DIP2B: variants seen among roughly 807,000 people sequenced by gnomAD.
DIP2B encodes the protein DIP2 acetate--CoA ligase B (putative).
A neutral mutation model predicts 198.0 loss-of-function variants in DIP2B; 76 were observed. The ratio of observed to expected loss-of-function variants is 0.38; its 90% CI spans 0.32 to 0.46. The LOEUF is 0.46. Ranked by LOEUF, DIP2B falls within the 20% of genes least tolerant of loss-of-function variation. DIP2B has a pLI of 0.99. For missense variants in DIP2B, 1,559 were observed against 1,978.4 expected (o/e 0.79, Z 4.02); for synonymous variants, 701 against 739.1 (o/e 0.95, Z 0.84).
At chr12:50,704,602 A>G (rs1191752988) in intron 20 of DIP2B, among the ~76,000 whole-genome samples, 2 of 152,234 alleles carry the variant, frequency 1.3e-5, no homozygotes, top group African/African-American at 2.4e-5. Context: ...AAACTATAAT[A>G]CATAGTATAC....
chr12:50,736,212 G>C (rs1940136387), intron 34 of DIP2B, among the ~76,000 whole-genome samples: 2 of 152,198 alleles, frequency 1.3e-5, no homozygotes, highest in South Asian at 4.1e-4. Flanking sequence ...AGCAGAGGGG[G>C]ATTTGGCTGA....
chr12:50,513,919 T>A (rs1958040592), intron 1 of DIP2B, among the ~76,000 whole-genome samples: 1 of 152,062 alleles, frequency 6.6e-6, no homozygotes, highest in Non-Finnish European at 1.5e-5. Context: ...CCCTAGAGTT[T>A]ATTTACCACC....
At chr12:50,514,999 G>A (rs931864956) in intron 1 of DIP2B, among the ~76,000 whole-genome samples, 1 of 151,664 alleles carries the variant, frequency 6.6e-6, no homozygotes, top group Non-Finnish European at 1.5e-5. Flanking sequence ...TTGCCACAGT[G>A]TTGCATGAGA....
chr12:50,704,879 G>A (rs577034167), intron 20 of DIP2B, among the ~76,000 whole-genome samples: 4 of 152,056 alleles, frequency 2.6e-5, no homozygotes, highest in Non-Finnish European at 4.4e-5. Context: ...CAGGAGAATC[G>A]CTTAAACCCA....
At chr12:50,672,766 T>G (rs1938876615) in intron 5 of DIP2B, among the ~76,000 whole-genome samples, 1 of 152,234 alleles carries the variant, frequency 6.6e-6, no homozygotes, top group African/African-American at 2.4e-5. Context: ...TTTAGTATTA[T>G]TACTGTAGTG....
intron 1 of DIP2B, among the ~76,000 whole-genome samples, chr12:50,550,446 A>G (rs1260224063): frequency 6.6e-6 from 1 of 152,220 alleles, no homozygotes; most frequent in African/African-American, 2.4e-5. Context: ...ATTAGACTCT[A>G]AGATATTCAT....
chr12:50,540,110 A>ATT (rs71083594), intron 1 of DIP2B, among the ~76,000 whole-genome samples: 816 of 62,132 alleles, frequency 0.013, 18 homozygotes, highest in African/African-American at 0.034. Flanking sequence ...AGCTATGAAC[A>ATT]TTTTTTTTTT....
At position 50,699,068 on chromosome 12, in the gene DIP2B, A is replaced by T; in HGVS notation, c.2191A>T (p.Met731Leu). 1.2e-6 allele frequency: 2 copies of T among 1,614,082 alleles called. No homozygotes were observed. Among genetic ancestry groups the T allele is most frequent in the Non-Finnish European group, 1.7e-6 (2 of 1,179,998 alleles). ...AACCTGTATTTTCTGTACGTTAGGG[A>T]TGATGTGCATTGTGAAACCAGATGG... Reference protein sequence around the residue: ...QDVGHVMPGGMMCIVKPDGPP... With the variant: ...QDVGHVMPGGLMCIVKPDGPP... Residue 731 changes from methionine (M) to leucine (L), a missense_variant and splice_region_variant, in exon 19 of 38, where the codon ATG becomes TTG. Transcript: ENST00000301180.
At chr12:50,730,312 G>T (rs1940015838) in intron 30 of DIP2B, among the ~76,000 whole-genome samples, 2 of 151,582 alleles carry the variant, frequency 1.3e-5, no homozygotes, top group Admixed American at 1.3e-4. Flanking sequence ...GATTTCAGTT[G>T]AATACTCTTT....
intron 19 of DIP2B, among the ~76,000 whole-genome samples, chr12:50,700,894 T>C (rs1404784768): frequency 1.3e-5 from 2 of 152,236 alleles, no homozygotes; most frequent in African/African-American, 4.8e-5. Context: ...TCACCCAGGC[T>C]GGAATACGGT....
intron 1 of DIP2B, among the ~76,000 whole-genome samples, chr12:50,511,809 G>A (rs970717678): frequency 8.6e-5 from 13 of 151,242 alleles, no homozygotes; most frequent in African/African-American, 2.2e-4. Context: ...TTAGCTCGGC[G>A]TGGTGGCTTG....
At chr12:50,600,796 T>C (rs1958927521) in intron 1 of DIP2B, among the ~76,000 whole-genome samples, 1 of 152,104 alleles carries the variant, frequency 6.6e-6, no homozygotes, top group Admixed American at 6.6e-5. Context: ...TGCATAGCTA[T>C]TTCCTCTTCC....
intron 1 of DIP2B, among the ~76,000 whole-genome samples, chr12:50,573,532 A>G (rs1274692352): frequency 1.3e-5 from 2 of 152,350 alleles, no homozygotes; most frequent in East Asian, 1.9e-4. Flanking sequence ...TGTTGGAAAC[A>G]GTAGAGGAGC....
chr12:50,544,774 C>T (rs1021454211), intron 1 of DIP2B, among the ~76,000 whole-genome samples: 30 of 152,070 alleles, frequency 2.0e-4, no homozygotes, highest in Middle Eastern at 3.4e-3. Flanking sequence ...CGTGCCACCA[C>T]GCCCGGCTAA....
chr12:50,690,087 A>AT (rs796347201), intron 12 of DIP2B, among the ~76,000 whole-genome samples: 1,926 of 140,244 alleles, frequency 0.014, 24 homozygotes, highest in African/African-American at 0.027. Context: ...GGAACACTTA[A>AT]TTTTTTTTTT....
intron 25 of DIP2B, among the ~76,000 whole-genome samples, chr12:50,719,715 C>A (rs188605105): frequency 6.6e-6 from 1 of 151,610 alleles, no homozygotes; most frequent in South Asian, 2.1e-4. Flanking sequence ...GTGGCGGGCA[C>A]CTGTAATCCC....
intron 1 of DIP2B, among the ~76,000 whole-genome samples, chr12:50,513,873 CAAAAAA>C (rs58479646): frequency 7.9e-6 from 1 of 127,122 alleles, no homozygotes; most frequent in Non-Finnish European, 1.7e-5. Flanking sequence ...GACTCCGTCT[CAAAAAA>C]AAAAAAAAAA....
chr12:50,731,213 T>C (rs1365898589), intron 30 of DIP2B, among the ~76,000 whole-genome samples, 156 bp from the exon 31 acceptor site: 2 of 152,170 alleles, frequency 1.3e-5, no homozygotes, highest in African/African-American at 4.8e-5. Flanking sequence ...CTTTTGCGAG[T>C]TGCATAGGAA....
At chr12:50,743,213 G>A (rs972208839) in intron 37 of DIP2B, among the ~76,000 whole-genome samples, 2 of 152,120 alleles carry the variant, frequency 1.3e-5, no homozygotes, top group Non-Finnish European at 2.9e-5. Flanking sequence ...CTCCCGGGTA[G>A]CTGGGACTAC....
Sources: gnomAD v4.1 joint callset for allele counts (sites outside exome capture counted in the v4.1 genomes callset) on GRCh38, gnomAD v4.1.1 for gene constraint, MANE v1.5 for transcripts, NCBI Gene and HGNC (gene_info 2026-07-23, HGNC 2026-07-21) for gene names.